Variants in ASCC3 observed in about 807,000 individuals in gnomAD.
ASCC3 encodes ASC-1 complex subunit P200.
Under a neutral mutation model 256.3 loss-of-function variants are expected in ASCC3, and 158 were observed. That is an observed-to-expected ratio of 0.62 (90% CI 0.54 to 0.70). The LOEUF is 0.70. Among genes scored for constraint, ASCC3 ranks in the 30% least tolerant of loss-of-function variants. ASCC3 has a pLI of 0.00. For missense variants in ASCC3, 2,259 were observed against 2,626.0 expected (o/e 0.86, Z 3.05); for synonymous variants, 948 against 883.4 (o/e 1.07, Z -1.30).
intron 36 of ASCC3, among the ~76,000 whole-genome samples, chr6:100,552,007 C>A (rs1448921376): frequency 6.6e-6 from 1 of 151,744 alleles, no homozygotes; most frequent in South Asian, 2.1e-4. Flanking sequence ...AGCTATGTAA[C>A]CTTCTGAGAG....
rs543190864 is a variant in ASCC3 at position 100,621,303 on chromosome 6, C to T, written c.4785+3889G>A. On this transcript the variant is annotated intron_variant, in intron 30 of 41. Coordinates refer to ENST00000369162, the MANE Select transcript of ASCC3 (RefSeq NM_006828.4). ...TTATCACACATTTAAATAAATAGTA[C>T]ATTTATAACAAATATTTATGTTAAT... Among the ~76,000 whole-genome samples the T allele has an allele frequency of 1.4e-4, 22 of 152,010 alleles. 1 individual carries two copies. The highest frequency in any genetic ancestry group is 2.8e-4 in the Non-Finnish European group (19 of 67,988).
Position 100,691,861 on chromosome 6 carries a change from T to G in ASCC3, c.2152-12109A>C, listed in dbSNP as rs527774428. ...CCTATGTTCAAATCATAGCTCAGCA[T>G]TTATATACTAGATAAACTTGGGCAA... On this transcript the variant is annotated intron_variant, in intron 13 of 41. Transcript: ENST00000369162. Among the ~76,000 whole-genome samples, 11 of 151,958 alleles carry G rather than the reference T, an allele frequency of 7.2e-5. No individual in the cohort carries two copies. The South Asian group carries it at 2.3e-3, about 32-fold the overall frequency.
intron 8 of ASCC3, among the ~76,000 whole-genome samples, chr6:100,782,523 C>T (rs771352616): frequency 1.3e-5 from 2 of 152,118 alleles, no homozygotes; most frequent in Admixed American, 6.5e-5. Context: ...CTATTACCTT[C>T]GGCCTATCTA....
At chr6:100,865,222 T>G (rs1773421778) in intron 2 of ASCC3, among the ~76,000 whole-genome samples, 1 of 152,178 alleles carries the variant, frequency 6.6e-6, no homozygotes, top group African/African-American at 2.4e-5. Flanking sequence ...TCTCTTTACT[T>G]TTGTATATGT....
At chr6:100,550,918 T>A (rs1253882426) in intron 36 of ASCC3, among the ~76,000 whole-genome samples, 1 of 151,950 alleles carries the variant, frequency 6.6e-6, no homozygotes, top group East Asian at 1.9e-4. Flanking sequence ...GATATTTTTC[T>A]AAGTTTAATA....
chr6:100,619,168 G>A (rs775882108), intron 30 of ASCC3, among the ~76,000 whole-genome samples: 1 of 152,128 alleles, frequency 6.6e-6, no homozygotes, highest in Non-Finnish European at 1.5e-5. Flanking sequence ...GTGTGTGGAT[G>A]TCTTTTGAAA....
intron 10 of ASCC3, among the ~76,000 whole-genome samples, chr6:100,761,344 G>C (rs573732076): frequency 6.6e-6 from 1 of 152,042 alleles, no homozygotes; most frequent in Non-Finnish European, 1.5e-5. Context: ...AACGATTACC[G>C]GGATGTGGTG....
Position 100,535,817 on chromosome 6 carries a change from C to T in ASCC3, c.5775+4346G>A, listed in dbSNP as rs533809270. 5.9e-5 allele frequency among the ~76,000 whole-genome samples: 9 copies of T among 152,180 alleles called. No homozygotes were observed. In the East Asian group the frequency reaches 9.6e-4, roughly 16 times the overall value. ...TGCAGTTTTCTTTCCAGGTGGCTTC[C>T]GACAAGCCAAGCCAAACATTTAAGA... is the stretch of plus-strand genomic sequence containing the variant. On this transcript the variant is annotated intron_variant, in intron 37 of 41. Transcript: ENST00000369162.
intron 10 of ASCC3, among the ~76,000 whole-genome samples, chr6:100,757,548 T>C (rs1183493258): frequency 6.8e-6 from 1 of 147,580 alleles, no homozygotes; most frequent in African/African-American, 2.5e-5. Flanking sequence ...ACTGGGATTT[T>C]CAAAAAAGCA....
At chr6:100,655,979 T>C (rs938994682) in intron 16 of ASCC3, among the ~76,000 whole-genome samples, 161 bp from the exon 17 acceptor site, 8 of 151,798 alleles carry the variant, frequency 5.3e-5, no homozygotes, top group African/African-American at 1.9e-4. Context: ...GCCAATTAAT[T>C]AAAATCAGTC....
intron 5 of ASCC3, 28 bp from the exon 6 acceptor site, chr6:100,800,532 G>A: frequency 6.6e-7 from 1 of 1,508,046 alleles, no homozygotes; most frequent in Non-Finnish European, 9.1e-7. Context: ...GAAACACAAT[G>A]TTTTATAAAT....
At chr6:100,576,755 A>G (rs1191532486) in intron 36 of ASCC3, among the ~76,000 whole-genome samples, 2 of 152,048 alleles carry the variant, frequency 1.3e-5, no homozygotes, top group African/African-American at 4.8e-5. Flanking sequence ...ATTAGTGAAG[A>G]GAAAGTTTCG....
At chr6:100,589,279 G>A (rs1771862969) in intron 36 of ASCC3, among the ~76,000 whole-genome samples, 1 of 151,870 alleles carries the variant, frequency 6.6e-6, no homozygotes, top group Non-Finnish European at 1.5e-5. Flanking sequence ...TATTCAACAG[G>A]AACTATCCAA....
chr6:100,569,406 G>A (rs1055650115), intron 36 of ASCC3, among the ~76,000 whole-genome samples: 1 of 151,592 alleles, frequency 6.6e-6, no homozygotes, highest in African/African-American at 2.4e-5. Flanking sequence ...TTTTGAGATG[G>A]AGTCTTGCTC....
chr6:100,868,276 G>T (rs1773573682), intron 1 of ASCC3, among the ~76,000 whole-genome samples: 1 of 152,200 alleles, frequency 6.6e-6, no homozygotes, highest in Non-Finnish European at 1.5e-5. Flanking sequence ...ATTGGGTTCT[G>T]TAGATTCCCA....
In ASCC3 at chr6:100,738,231, C is replaced by G. The variant is rs572597756; in HGVS notation, c.1738-12528G>C. 7.2e-5 allele frequency among the ~76,000 whole-genome samples: 11 copies of G among 152,258 alleles called. No individual in the cohort carries two copies. In the South Asian group the frequency reaches 1.0e-3, roughly 14 times the overall value. On this transcript the variant is annotated intron_variant, in intron 10 of 41. Transcript: ENST00000369162. ...GAAGCTCTTTAGTTTAATTAGATAC[C>G]ATTTGTCAATTTTTGCTTTTGTTGC...
intron 14 of ASCC3, among the ~76,000 whole-genome samples, chr6:100,668,443 T>G (rs1280345660): frequency 6.6e-6 from 1 of 151,954 alleles, no homozygotes; most frequent in African/African-American, 2.4e-5. Flanking sequence ...AACTCTAAAA[T>G]GATAAAAATA....
intron 3 of ASCC3, chr6:100,858,286 A>G: frequency 2.0e-6 from 1 of 499,366 alleles, no homozygotes; most frequent in East Asian, 1.5e-4. Flanking sequence ...AAAATGGAAA[A>G]GTTTTTTTTT....
intron 36 of ASCC3, among the ~76,000 whole-genome samples, chr6:100,579,093 T>A (rs573411649): frequency 6.6e-6 from 1 of 152,134 alleles, no homozygotes; most frequent in Non-Finnish European, 1.5e-5. Flanking sequence ...CGTTGAGCAC[T>A]TTTTTTCCTA....
Sources: allele counts gnomAD v4.1 joint callset (sites outside exome capture counted in the v4.1 genomes callset), GRCh38; gene constraint gnomAD v4.1.1; transcripts MANE v1.5; gene names NCBI Gene and HGNC (gene_info 2026-07-23, HGNC 2026-07-21).